Variants in PRR5L observed in about 807,000 individuals in gnomAD.
The protein encoded by PRR5L is proline-rich protein 5-like.
In PRR5L, 21 loss-of-function variants were observed where a neutral mutation model predicts 36.4. The ratio of observed to expected loss-of-function variants is 0.58; its 90% confidence interval spans 0.41 to 0.83. The LOEUF is 0.83. PRR5L is among the 40% of genes least tolerant of loss of function. The probability of loss-of-function intolerance (pLI) is 0.00; values close to 1 mark genes in which losing one functional copy is unlikely to be tolerated. For synonymous variants in PRR5L, 188 were observed against 197.0 expected, an observed-to-expected ratio of 0.95 and a Z score of 0.38; for missense variants, 381 against 473.3, an observed-to-expected ratio of 0.80 and a Z score of 1.81.
intron 1 of PRR5L, among the ~76,000 whole-genome samples, chr11:36,306,325 A>G (rs1287620737): frequency 6.6e-6 from 1 of 152,090 alleles, no homozygotes; most frequent in Non-Finnish European, 1.5e-5. Flanking sequence ...TTCAAAACCC[A>G]CATGTGGTGT....
rs146814611 is a variant in PRR5L, at chr11:36,440,206, C to T, written c.444+2730C>T. Among the ~76,000 whole-genome samples the T allele has an allele frequency of 8.7e-4, 133 of 152,122 alleles. 1 individual carries two copies. In the East Asian group the frequency reaches 0.024, roughly 27 times the overall value. ...AAGGCCTTTATGGGTTGGGAACCAG[C>T]GAGGAGTTCTGAAGATAAAACCTCC... On this transcript the variant is annotated intron_variant, in intron 6 of 8. Coordinates refer to ENST00000530639, the MANE Select transcript of PRR5L (RefSeq NM_001160167.2).
At chr11:36,321,832 C>T (rs1856616166) in intron 1 of PRR5L, among the ~76,000 whole-genome samples, 1 of 152,102 alleles carries the variant, frequency 6.6e-6, no homozygotes. Flanking sequence ...GAGGCCTCTT[C>T]CTTGGCTAGT....
chr11:36,426,944 G>A (rs188085704), intron 4 of PRR5L, among the ~76,000 whole-genome samples: 15 of 152,228 alleles, frequency 9.9e-5, no homozygotes, highest in Middle Eastern at 6.8e-3. Flanking sequence ...CCATCCCACC[G>A]GGTTGTGAAG....
chr11:36,431,144 G>A (rs542140219), intron 4 of PRR5L, among the ~76,000 whole-genome samples: 16 of 152,314 alleles, frequency 1.1e-4, no homozygotes, highest in Non-Finnish European at 1.5e-4. Flanking sequence ...GCAGCGAAGT[G>A]GAGTGGAAAG....
chr11:36,393,730 G>T (rs1400794176), intron 1 of PRR5L: 1 of 152,156 alleles, frequency 6.6e-6, no homozygotes, highest in Non-Finnish European at 1.5e-5. Flanking sequence ...TTAGTATTTT[G>T]ATTGGAATTG....
Position 36,325,055 on chromosome 11 carries a change from C to G in PRR5L, c.-126+28617C>G, listed in dbSNP as rs994930715. Among the ~76,000 whole-genome samples the G allele has an allele frequency of 2.6e-5, 4 of 152,154 alleles. No homozygotes were observed. The South Asian group carries it at 6.2e-4, about 24-fold the overall frequency. ...CAAAATGGCGGCAGGTCGCTTCCAA[C>G]ATGGTGGCAAGCCTCGTGTTCTCTG... On this transcript the variant is annotated intron_variant, in intron 1 of 8. Transcript: ENST00000530639.
At chr11:36,421,130 G>GT (rs1858256647) in intron 4 of PRR5L, among the ~76,000 whole-genome samples, 1 of 152,176 alleles carries the variant, frequency 6.6e-6, no homozygotes, top group Non-Finnish European at 1.5e-5. Context: ...CAGAGAAGTG[G>GT]TTTTTCAGTC....
chr11:36,461,303 T>G (rs191943430), intron 8 of PRR5L, among the ~76,000 whole-genome samples: 1 of 152,162 alleles, frequency 6.6e-6, no homozygotes, highest in African/African-American at 2.4e-5. Flanking sequence ...TTTAGCACAG[T>G]TTTTGGAACA....
chr11:36,423,323 G>A (rs1242998443), intron 4 of PRR5L, among the ~76,000 whole-genome samples: 1 of 152,180 alleles, frequency 6.6e-6, no homozygotes, highest in African/African-American at 2.4e-5. Context: ...AGTCCCAGGA[G>A]GCCAGTTTCC....
intron 6 of PRR5L, among the ~76,000 whole-genome samples, chr11:36,445,885 T>C (rs576933718): frequency 1.3e-5 from 2 of 152,334 alleles, no homozygotes; most frequent in South Asian, 2.1e-4. Flanking sequence ...ATCTAAGAGG[T>C]CCTGTGTTTT....
Position 36,442,523 on chromosome 11 carries a change from G to T in PRR5L, c.445-3777G>T, listed in dbSNP as rs150567434. Among the ~76,000 whole-genome samples the T allele has an allele frequency of 5.8e-3, 887 of 152,138 alleles. 18 individuals are homozygous for T. The highest frequency in any genetic ancestry group is 0.045 in the East Asian group (233 of 5,180). ...TGCCAGTCTAATTTTTGTATTTTTA[G>T]TAGAGATGGGGTTTCACCATATTGG... is the stretch of plus-strand genomic sequence containing the variant. On this transcript the variant is annotated intron_variant, in intron 6 of 8. Coordinates refer to ENST00000530639, the MANE Select transcript of PRR5L (RefSeq NM_001160167.2).
At chr11:36,408,325 C>T (rs778675419) in intron 3 of PRR5L, among the ~76,000 whole-genome samples, 2 of 151,710 alleles carry the variant, frequency 1.3e-5, no homozygotes, top group African/African-American at 4.8e-5. Context: ...CTCAATATAG[C>T]GGCCAATGTT....
chr11:36,441,104 G>C (rs752796866), intron 6 of PRR5L, among the ~76,000 whole-genome samples: 11 of 152,074 alleles, frequency 7.2e-5, no homozygotes, highest in Non-Finnish European at 1.3e-4. Context: ...TTCTGCCCCT[G>C]GTACTCCAAA....
intron 1 of PRR5L, among the ~76,000 whole-genome samples, chr11:36,300,596 T>C (rs1856364778): frequency 6.6e-6 from 1 of 152,082 alleles, no homozygotes; most frequent in Non-Finnish European, 1.5e-5. Context: ...ACCTTCTAGC[T>C]CCCAGGAGGT....
chr11:36,415,930 C>G (rs1348279693), intron 3 of PRR5L, among the ~76,000 whole-genome samples: 1 of 152,156 alleles, frequency 6.6e-6, no homozygotes, highest in African/African-American at 2.4e-5. Flanking sequence ...GTTGTGTAAA[C>G]TAAAATGTGT....
rs368509409 is a variant in PRR5L at position 36,351,687 on chromosome 11, ATATT to A, written c.-125-49306_-125-49303del. Among the ~76,000 whole-genome samples, 286 of 37,540 alleles carry A rather than the reference ATATT, an allele frequency of 7.6e-3. 70 individuals are homozygous for A. The highest frequency in any genetic ancestry group is 0.025 in the African/African-American group (275 of 11,150). The allele number at this position is 37,540 out of a possible 152,430, so 24.6% of individuals were successfully genotyped here. On this transcript the variant is annotated intron_variant, in intron 1 of 8. Coordinates refer to ENST00000530639, the MANE Select transcript of PRR5L (RefSeq NM_001160167.2). ...TATATTTATATACTTATATATTTAT[ATATT>A]TATATATTTATATATTTATTTATAT...
At chr11:36,462,248 G>T in intron 8 of PRR5L, 94 bp from the exon 9 acceptor site, 1 of 1,278,178 alleles carries the variant, frequency 7.8e-7, no homozygotes, top group South Asian at 1.7e-5. Context: ...CCTAAAGGTT[G>T]AGCACCTTGT....
At position 36,337,318 on chromosome 11, in the gene PRR5L, G is replaced by A. The variant is rs921068401; in HGVS notation, c.-126+40880G>A. ...TTAGAGAAGTCTACTTGCCCCTTCC[G>A]GCTTCTCCCCTCTTCTGCCACGTGA... On this transcript the variant is annotated intron_variant, in intron 1 of 8. Transcript: ENST00000530639. Among the ~76,000 whole-genome samples, 14 of 152,204 alleles carry A rather than the reference G, an allele frequency of 9.2e-5. No individual in the cohort carries two copies. In the South Asian group the frequency reaches 2.5e-3, roughly 27 times the overall value.
intron 1 of PRR5L, among the ~76,000 whole-genome samples, chr11:36,397,699 C>T (rs1450100351): frequency 1.3e-5 from 2 of 151,846 alleles, no homozygotes; most frequent in Non-Finnish European, 2.9e-5. Context: ...TCAGGTGATC[C>T]GCCTGCCTTG....
Sources: gnomAD v4.1 joint callset for allele counts (sites outside exome capture counted in the v4.1 genomes callset) on GRCh38, gnomAD v4.1.1 for gene constraint, MANE v1.5 for transcripts, NCBI Gene and HGNC (gene_info 2026-07-23, HGNC 2026-07-21) for gene names.